Variants in ELMO1 observed in about 807,000 individuals in gnomAD.
ELMO1 encodes engulfment and cell motility 1.
ELMO1 carries 26 observed loss-of-function variants against 98.9 expected under a neutral mutation model. The ratio of observed to expected loss-of-function variants is 0.26; its 90% CI spans 0.19 to 0.36. The LOEUF (loss-of-function observed/expected upper bound fraction) is 0.36. Ranked by LOEUF, ELMO1 falls within the 10% of genes least tolerant of loss-of-function variation. ELMO1 has a pLI of 1.00. For synonymous variants in ELMO1, 346 were observed against 346.0 expected, an observed-to-expected ratio of 1.00 and a Z score of 0.00; for missense variants, 627 against 935.2, an observed-to-expected ratio of 0.67 and a Z score of 4.30.
chr7:37,090,248 C>A (rs1228128634), intron 15 of ELMO1, among the ~76,000 whole-genome samples: 1 of 152,208 alleles, frequency 6.6e-6, no homozygotes, highest in Non-Finnish European at 1.5e-5. Flanking sequence ...GTTGAGATTT[C>A]TACTACTTGT....
chr7:37,161,955 T>A (rs1210633527), intron 13 of ELMO1, among the ~76,000 whole-genome samples: 6 of 124,724 alleles, frequency 4.8e-5, no homozygotes, highest in African/African-American at 1.7e-4. Flanking sequence ...GATGTAATCT[T>A]CCACATCATC....
intron 16 of ELMO1, among the ~76,000 whole-genome samples, chr7:36,912,637 T>C (rs1165043469): frequency 6.6e-6 from 1 of 152,196 alleles, no homozygotes; most frequent in African/African-American, 2.4e-5. Context: ...AAACTGAAAC[T>C]AAATGGGTCA....
intron 13 of ELMO1, among the ~76,000 whole-genome samples, chr7:37,173,104 A>C (rs1388655506): frequency 6.6e-6 from 1 of 152,252 alleles, no homozygotes; most frequent in Non-Finnish European, 1.5e-5. Context: ...CCTGTATCTT[A>C]ATTTAATCTG....
chr7:37,347,896 T>C (rs1017843045), intron 1 of ELMO1, among the ~76,000 whole-genome samples: 1 of 152,156 alleles, frequency 6.6e-6, no homozygotes, highest in Non-Finnish European at 1.5e-5. Flanking sequence ...CTCCTCTTGG[T>C]GAGGCATAAC....
chr7:37,276,312 C>T (rs146408306), intron 4 of ELMO1, among the ~76,000 whole-genome samples: 50 of 152,170 alleles, frequency 3.3e-4, no homozygotes, highest in African/African-American at 9.9e-4. Context: ...TTATTAAGCA[C>T]AAAAATAACA....
chr7:37,360,812 T>C lies in ELMO1; in HGVS notation c.-73-18049A>G, dbSNP rs573971540. Reference sequence around the variant, plus strand: ...TACAAAGGTGGTGTCTACATTGTTCTCAGGAAAATTTTATAAAAACCTTAA... The same window carrying C: ...TACAAAGGTGGTGTCTACATTGTTCCCAGGAAAATTTTATAAAAACCTTAA... On this transcript the variant is annotated intron_variant, in intron 1 of 21. Transcript: ENST00000310758. 3.9e-5 allele frequency among the ~76,000 whole-genome samples: 6 copies of C among 152,308 alleles called. No homozygotes were observed. The East Asian group carries it at 1.2e-3, about 29-fold the overall frequency.
chr7:37,135,461 C>A (rs375712180), intron 13 of ELMO1, among the ~76,000 whole-genome samples: 1 of 152,172 alleles, frequency 6.6e-6, no homozygotes, highest in Non-Finnish European at 1.5e-5. Flanking sequence ...ACCAAGGACC[C>A]GCACAGAGTC....
chr7:37,283,803 C>T (rs1339910241), intron 4 of ELMO1, among the ~76,000 whole-genome samples: 2 of 152,202 alleles, frequency 1.3e-5, no homozygotes, highest in Non-Finnish European at 2.9e-5. Flanking sequence ...GCACAGCCAG[C>T]GGCCAGCTGC....
chr7:37,011,886 A>G (rs1793585891), intron 16 of ELMO1, among the ~76,000 whole-genome samples: 1 of 152,220 alleles, frequency 6.6e-6, no homozygotes, highest in African/African-American at 2.4e-5. Context: ...CCTGAAATGC[A>G]AAGTCTCTCA....
chr7:37,086,224 G>A lies in ELMO1; in HGVS notation c.1300+10395C>T, dbSNP rs138730152. Among the ~76,000 whole-genome samples, 5 of 152,198 alleles carry A rather than the reference G, an allele frequency of 3.3e-5. No individual in the cohort carries two copies. In the East Asian group the frequency reaches 5.8e-4, roughly 18 times the overall value. The stretch of plus-strand genomic sequence containing the variant: ...TTTGCTCTTTCAGACACAAGAGGCC[G>A]GAGTTAGAACTGATTTTAAATACTT... On this transcript the variant is annotated intron_variant, in intron 15 of 21. Coordinates refer to ENST00000310758, the MANE Select transcript of ELMO1 (RefSeq NM_014800.11).
chr7:37,276,923 A>G (rs1238064840), intron 4 of ELMO1, among the ~76,000 whole-genome samples: 4 of 152,190 alleles, frequency 2.6e-5, no homozygotes, highest in African/African-American at 2.4e-5. Context: ...CGGAGCATCA[A>G]TAAGTGCTGT....
intron 6 of ELMO1, among the ~76,000 whole-genome samples, chr7:37,251,168 T>A (rs1280392312): frequency 6.6e-6 from 1 of 152,194 alleles, no homozygotes; most frequent in Non-Finnish European, 1.5e-5. Context: ...TTTTCCTTCT[T>A]TCAAATAAAA....
chr7:36,968,097 AC>A (rs1179656873), intron 16 of ELMO1, among the ~76,000 whole-genome samples: 1 of 152,244 alleles, frequency 6.6e-6, no homozygotes, highest in Non-Finnish European at 1.5e-5. Flanking sequence ...ATGAGTGTTA[AC>A]ATTGTGGTGC....
At chr7:36,942,587 ATTATCT>A (rs1170933328) in intron 16 of ELMO1, among the ~76,000 whole-genome samples, 1 of 152,206 alleles carries the variant, frequency 6.6e-6, no homozygotes, top group Non-Finnish European at 1.5e-5. Context: ...TAGACAACAG[ATTATCT>A]TTAGTCACAT....
At chr7:37,305,928 A>C (rs897219185) in intron 4 of ELMO1, among the ~76,000 whole-genome samples, 1 of 152,332 alleles carries the variant, frequency 6.6e-6, no homozygotes, top group Non-Finnish European at 1.5e-5. Context: ...AAAAAGAACT[A>C]GTAGACAATA....
At chr7:37,105,138 AG>A in intron 14 of ELMO1, among the ~76,000 whole-genome samples, 1 of 152,272 alleles carries the variant, frequency 6.6e-6, no homozygotes. Context: ...CAACAAAAGC[AG>A]GACGCGCAAA....
At chr7:37,044,988 A>C (rs1170685056) in intron 15 of ELMO1, among the ~76,000 whole-genome samples, 2 of 152,244 alleles carry the variant, frequency 1.3e-5, no homozygotes, top group Non-Finnish European at 2.9e-5. Flanking sequence ...TATACAGCTA[A>C]GCTCTGGGAT....
chr7:37,434,233 A>G (rs1323142217), intron 1 of ELMO1, among the ~76,000 whole-genome samples: 1 of 152,076 alleles, frequency 6.6e-6, no homozygotes, highest in Non-Finnish European at 1.5e-5. Flanking sequence ...AATTTTTTTT[A>G]GTCACCACTT....
chr7:37,275,399 CTT>C (rs1287096271), intron 4 of ELMO1, among the ~76,000 whole-genome samples: 4 of 152,180 alleles, frequency 2.6e-5, no homozygotes, highest in African/African-American at 9.7e-5. Context: ...AAGAAAGGGT[CTT>C]GATGATTGTT....
Sources: allele counts gnomAD v4.1 joint callset (sites outside exome capture counted in the v4.1 genomes callset), GRCh38; gene constraint gnomAD v4.1.1; transcripts MANE v1.5; gene names NCBI Gene and HGNC (gene_info 2026-07-23, HGNC 2026-07-21).